The following JMJD1C variants were observed in gnomAD, a reference collection of about 807,000 sequenced individuals.
The protein encoded by JMJD1C is jumonji domain containing 1C, also known as jumonji domain-containing protein 1C.
A neutral mutation model predicts 245.3 loss-of-function variants in JMJD1C; 31 were observed. That is an observed-to-expected ratio of 0.13 (90% CI 0.09 to 0.17). The LOEUF (loss-of-function observed/expected upper bound fraction) is 0.17, where lower values mean the gene tolerates loss of function less well. Ranked by LOEUF, JMJD1C falls within the 10% of genes least tolerant of loss-of-function variation. The pLI is 1.00. For missense variants in JMJD1C, 2,691 were observed against 3,000.2 expected, an observed-to-expected ratio of 0.90 and a Z score of 2.41; for synonymous variants, 1,057 against 1,017.4, an observed-to-expected ratio of 1.04 and a Z score of -0.74.
intron 2 of JMJD1C, among the ~76,000 whole-genome samples, chr10:63,294,416 G>A (rs1287922741): frequency 6.6e-5 from 10 of 151,934 alleles, no homozygotes; most frequent in African/African-American, 1.9e-4. Flanking sequence ...CTCCTGAGTA[G>A]CTGGGACTAC....
At chr10:63,219,529 A>C (rs572405758) in intron 4 of JMJD1C, among the ~76,000 whole-genome samples, 1 of 152,350 alleles carries the variant, frequency 6.6e-6, no homozygotes, top group Non-Finnish European at 1.5e-5. Flanking sequence ...AACATTCTTC[A>C]AAGGAAATCA....
At chr10:63,395,334 C>T (rs1444440405) in intron 1 of JMJD1C, among the ~76,000 whole-genome samples, 1 of 151,944 alleles carries the variant, frequency 6.6e-6, no homozygotes, top group African/African-American at 2.4e-5. Context: ...AAAAATTAGC[C>T]GGGTGTGGTG....
At chr10:63,296,705 AT>A (rs1453994785) in intron 2 of JMJD1C, among the ~76,000 whole-genome samples, 2 of 152,166 alleles carry the variant, frequency 1.3e-5, no homozygotes, top group African/African-American at 2.4e-5. Flanking sequence ...GTTACAAATA[AT>A]TTTTAGTGAG....
chr10:63,489,219 G>A (rs1954091941), intron 1 of JMJD1C, among the ~76,000 whole-genome samples: 1 of 152,148 alleles, frequency 6.6e-6, no homozygotes. Context: ...GGCCAAAATG[G>A]CGATACCCTG....
At chr10:63,498,908 T>C (rs908735691) in intron 1 of JMJD1C, among the ~76,000 whole-genome samples, 4 of 152,202 alleles carry the variant, frequency 2.6e-5, no homozygotes, top group Non-Finnish European at 4.4e-5. Flanking sequence ...CCCTGGGAAC[T>C]ACCATTCTAC....
At chr10:63,265,961 T>G (rs1855526069) in intron 2 of JMJD1C, among the ~76,000 whole-genome samples, 1 of 152,106 alleles carries the variant, frequency 6.6e-6, no homozygotes, top group African/African-American at 2.4e-5. Flanking sequence ...TCAAGATGTT[T>G]GGTTTGGAGT....
At chr10:63,291,078 G>A (rs1296141584) in intron 2 of JMJD1C, among the ~76,000 whole-genome samples, 2 of 151,988 alleles carry the variant, frequency 1.3e-5, no homozygotes, top group African/African-American at 4.8e-5. Flanking sequence ...AGGCCGAGGT[G>A]GGCGGATCAC....
chr10:63,247,487 T>TCCCA (rs1852366064), intron 3 of JMJD1C, among the ~76,000 whole-genome samples: 1 of 151,988 alleles, frequency 6.6e-6, no homozygotes, highest in Non-Finnish European at 1.5e-5. Flanking sequence ...AAACCTGTAA[T>TCCCA]CCCAACACTT....
chr10:63,415,775 A>G (rs1949761996), intron 1 of JMJD1C, among the ~76,000 whole-genome samples: 1 of 152,204 alleles, frequency 6.6e-6, no homozygotes, highest in Admixed American at 6.5e-5. Context: ...AAACAACTGC[A>G]ATGCCCTACA....
At chr10:63,405,743 T>G (rs1020558377) in intron 1 of JMJD1C, among the ~76,000 whole-genome samples, 11 of 152,326 alleles carry the variant, frequency 7.2e-5, no homozygotes, top group South Asian at 2.1e-4. Flanking sequence ...CAGCAGACAT[T>G]TCCTGTGAAA....
chr10:63,307,723 T>G (rs866304230), intron 2 of JMJD1C, among the ~76,000 whole-genome samples: 1 of 152,000 alleles, frequency 6.6e-6, no homozygotes, highest in Admixed American at 6.6e-5. Flanking sequence ...GATCCTTCAA[T>G]CCCCTCCATG....
intron 8 of JMJD1C, among the ~76,000 whole-genome samples, chr10:63,211,777 T>C (rs1847367041): frequency 7.8e-6 from 1 of 127,444 alleles, no homozygotes. Flanking sequence ...TGAGCCGAGA[T>C]CACGCCACTG....
chr10:63,369,725 G>C (rs1035919514), intron 2 of JMJD1C, among the ~76,000 whole-genome samples: 4 of 152,178 alleles, frequency 2.6e-5, no homozygotes, highest in Non-Finnish European at 5.9e-5. Flanking sequence ...GTAGGCCAAA[G>C]GCTAGGGCAT....
chr10:63,428,366 G>A (rs567433043), intron 1 of JMJD1C, among the ~76,000 whole-genome samples: 8 of 152,164 alleles, frequency 5.3e-5, no homozygotes, highest in South Asian at 2.1e-4. Flanking sequence ...ATCAATTAAC[G>A]AAATTTTACA....
At chr10:63,366,495 G>A (rs1945852971) in intron 2 of JMJD1C, among the ~76,000 whole-genome samples, 1 of 152,156 alleles carries the variant, frequency 6.6e-6, no homozygotes, top group South Asian at 2.1e-4. Flanking sequence ...TCAAACCTGA[G>A]GTTGGTTTTG....
chr10:63,486,675 TTACAG>T (rs1954011320), intron 1 of JMJD1C, among the ~76,000 whole-genome samples: 1 of 152,158 alleles, frequency 6.6e-6, no homozygotes, highest in South Asian at 2.1e-4. Flanking sequence ...GTCTCTTAAC[TTACAG>T]TACATTTCTT....
chr10:63,514,988 A>T lies in JMJD1C; in HGVS notation n.113+6750T>A, dbSNP rs180718905. The stretch of plus-strand genomic sequence containing the variant: ...AGCCTACAGTAAACAGGTGTTTTGT[A>T]ATGCAGTACTAGGGTGATGGGGGAG... On this transcript the variant is annotated intron_variant and non_coding_transcript_variant, in intron 1 of 3. Transcript: ENST00000633035. Among the ~76,000 whole-genome samples the T allele has an allele frequency of 2.5e-3, 387 of 152,096 alleles. 3 individuals are homozygous for T. In the South Asian group the frequency reaches 0.029, roughly 11 times the overall value.
At chr10:63,420,589 C>A (rs1310139807) in intron 1 of JMJD1C, among the ~76,000 whole-genome samples, 1 of 150,230 alleles carries the variant, frequency 6.7e-6, no homozygotes, top group Admixed American at 6.6e-5. Flanking sequence ...CCTTTAGTCC[C>A]AGCTACATGG....
intron 2 of JMJD1C, among the ~76,000 whole-genome samples, chr10:63,359,622 A>G (rs973260186): frequency 6.6e-6 from 1 of 152,220 alleles, no homozygotes; most frequent in South Asian, 2.1e-4. Context: ...TTGTGGTCTC[A>G]GTACAAGTTT....
Sources: gnomAD v4.1 joint callset for allele counts (sites outside exome capture counted in the v4.1 genomes callset) on GRCh38, gnomAD v4.1.1 for gene constraint, MANE v1.5 for transcripts, NCBI Gene and HGNC (gene_info 2026-07-23, HGNC 2026-07-21) for gene names.